CCDC178: variants seen among roughly 807,000 people sequenced by gnomAD.
CCDC178 encodes the protein coiled-coil domain containing 178.
A neutral mutation model predicts 117.4 loss-of-function variants in CCDC178; 126 were observed. The observed-to-expected ratio is 1.07, with a 90% CI of 0.93 to 1.24. The LOEUF is 1.24. CCDC178 is among the 50% of genes most tolerant of loss of function. The pLI is 0.00. For missense variants in CCDC178, 1,030 were observed against 986.9 expected, an observed-to-expected ratio of 1.04 and a Z score of -0.59; for synonymous variants, 283 against 313.4, an observed-to-expected ratio of 0.90 and a Z score of 1.02.
upstream of CCDC178, chr18:33,440,981 G>C (rs550623292): frequency 8.5e-5 from 13 of 152,364 alleles, no homozygotes; most frequent in African/African-American, 3.1e-4. Flanking sequence ...ACGAGTCAAC[G>C]CCCCTTCGTA....
chr18:33,045,069 A>G (rs1055311993), intron 21 of CCDC178, among the ~76,000 whole-genome samples: 4 of 152,294 alleles, frequency 2.6e-5, no homozygotes, highest in African/African-American at 9.6e-5. Flanking sequence ...TTCACTATTC[A>G]GGTGATGGTT....
intron 21 of CCDC178, among the ~76,000 whole-genome samples, chr18:33,073,374 A>G (rs1268714838): frequency 6.6e-6 from 1 of 152,106 alleles, no homozygotes; most frequent in Non-Finnish European, 1.5e-5. Context: ...GTAGCTCTTT[A>G]TATCATTCAT....
chr18:33,409,283 C>G (rs2063820549), intron 3 of CCDC178, among the ~76,000 whole-genome samples: 1 of 152,014 alleles, frequency 6.6e-6, no homozygotes, highest in Non-Finnish European at 1.5e-5. Flanking sequence ...CAGGGTTTCA[C>G]TCTGTTTCCC....
intron 21 of CCDC178, among the ~76,000 whole-genome samples, chr18:32,990,746 C>T (rs2055370414): frequency 6.6e-6 from 1 of 151,898 alleles, no homozygotes; most frequent in Non-Finnish European, 1.5e-5. Flanking sequence ...GAAGCCATAA[C>T]TGGGAGGAGA....
At chr18:33,227,034 T>C (rs563391165) in intron 15 of CCDC178, among the ~76,000 whole-genome samples, 179 bp from the exon 16 acceptor site, 1 of 152,162 alleles carries the variant, frequency 6.6e-6, no homozygotes, top group South Asian at 2.1e-4. Context: ...AGTAATTAAG[T>C]GGTACAGCAC....
chr18:33,395,628 A>G (rs961674801), intron 4 of CCDC178, among the ~76,000 whole-genome samples: 2 of 152,098 alleles, frequency 1.3e-5, no homozygotes, highest in African/African-American at 4.8e-5. Context: ...CTATGCTTGA[A>G]TTTGTTTTAA....
intron 21 of CCDC178, among the ~76,000 whole-genome samples, chr18:32,986,475 T>C (rs2055265960): frequency 6.6e-6 from 1 of 152,108 alleles, no homozygotes; most frequent in East Asian, 1.9e-4. Context: ...CAACTGAATA[T>C]ATTAATACAT....
At chr18:33,143,288 A>G (rs919703072) in intron 20 of CCDC178, among the ~76,000 whole-genome samples, 1 of 152,196 alleles carries the variant, frequency 6.6e-6, no homozygotes, top group African/African-American at 2.4e-5. Flanking sequence ...TCAGTGAAGA[A>G]GAGCACAAGA....
chr18:33,054,309 T>C (rs1239395206), intron 21 of CCDC178, among the ~76,000 whole-genome samples: 1 of 152,212 alleles, frequency 6.6e-6, no homozygotes, highest in African/African-American at 2.4e-5. Context: ...GTGCAGAATG[T>C]GCAGGTTTGT....
rs544840208 is a variant in CCDC178 at position 33,009,136 on chromosome 18, A to G, written c.2389-34455T>C. Among the ~76,000 whole-genome samples, 3 of 152,056 alleles carry G rather than the reference A, an allele frequency of 2.0e-5. No individual in the cohort carries two copies. The South Asian group carries it at 6.2e-4, about 32-fold the overall frequency. ...ATCTTTAAAATATACCCTGAATTTG[A>G]CCACTTTTCACTACTGCCATGGGCA... On this transcript the variant is annotated intron_variant, in intron 21 of 22. Transcript: ENST00000383096.
chr18:32,974,908 T>C (rs1484971819), intron 21 of CCDC178, among the ~76,000 whole-genome samples: 1 of 152,142 alleles, frequency 6.6e-6, no homozygotes. Flanking sequence ...TAATTTTCTC[T>C]AAATGCCTCA....
intron 20 of CCDC178, among the ~76,000 whole-genome samples, chr18:33,205,142 A>G (rs936569620): frequency 6.6e-6 from 1 of 152,120 alleles, no homozygotes; most frequent in Non-Finnish European, 1.5e-5. Flanking sequence ...AAATGACAAT[A>G]GTATACATAC....
chr18:33,202,263 G>A (rs1376265852), intron 20 of CCDC178, among the ~76,000 whole-genome samples: 1 of 151,558 alleles, frequency 6.6e-6, no homozygotes, highest in Non-Finnish European at 1.5e-5. Flanking sequence ...GTGGTGGTGC[G>A]CACCTGTAAT....
intron 12 of CCDC178, among the ~76,000 whole-genome samples, chr18:33,289,629 A>AC (rs2060142611): frequency 6.6e-6 from 1 of 152,154 alleles, no homozygotes; most frequent in Non-Finnish European, 1.5e-5. Context: ...AATAAAAAAA[A>AC]ACAAACAACA....
At chr18:33,072,340 G>C (rs1598852184) in intron 21 of CCDC178, among the ~76,000 whole-genome samples, 3 of 152,240 alleles carry the variant, frequency 2.0e-5, no homozygotes, top group East Asian at 1.9e-4. Flanking sequence ...ATAAATCGAA[G>C]AGAGTCCCCA....
At chr18:33,158,066 C>G (rs980706179) in intron 20 of CCDC178, among the ~76,000 whole-genome samples, 8 of 152,236 alleles carry the variant, frequency 5.3e-5, no homozygotes, top group African/African-American at 1.9e-4. Flanking sequence ...GATACATGAG[C>G]TTCTTGATAG....
At chr18:33,323,439 C>T (rs1262195953) in intron 11 of CCDC178, 52 bp downstream of exon 11, 1 of 1,194,230 alleles carries the variant, frequency 8.4e-7, no homozygotes, top group East Asian at 2.8e-5. Context: ...TACATTTTTA[C>T]TTAACATTTA....
chr18:33,393,197 G>A (rs954423209), intron 4 of CCDC178, among the ~76,000 whole-genome samples: 1 of 151,836 alleles, frequency 6.6e-6, no homozygotes, highest in East Asian at 1.9e-4. Flanking sequence ...TATTTCATAT[G>A]TATGCCTTAT....
chr18:33,087,121 T>C (rs888710105), intron 21 of CCDC178, among the ~76,000 whole-genome samples: 1 of 152,042 alleles, frequency 6.6e-6, no homozygotes, highest in Non-Finnish European at 1.5e-5. Flanking sequence ...TAAATCACTC[T>C]TAAGGTGTGG....
Sources: allele counts gnomAD v4.1 joint callset (sites outside exome capture counted in the v4.1 genomes callset), GRCh38; gene constraint gnomAD v4.1.1; transcripts MANE v1.5; gene names NCBI Gene and HGNC (gene_info 2026-07-23, HGNC 2026-07-21).